Variants in TNKS observed in about 807,000 individuals in gnomAD.
TNKS encodes tankyrase.
A neutral mutation model predicts 135.8 loss-of-function variants in TNKS; 72 were observed. That is an observed-to-expected ratio of 0.53 (90% CI 0.44 to 0.64). The LOEUF (loss-of-function observed/expected upper bound fraction) is 0.64, where lower values mean the gene tolerates loss of function less well. Among genes scored for constraint, TNKS ranks in the 30% least tolerant of loss-of-function variants. TNKS has a pLI of 0.00. For synonymous variants in TNKS, 849 were observed against 649.3 expected, an observed-to-expected ratio of 1.31 and a Z score of -4.68; for missense variants, 1,769 against 1,674.0, an observed-to-expected ratio of 1.06 and a Z score of -0.99.
At position 9,776,701 on chromosome 8, in the gene TNKS, T is replaced by G; in HGVS notation, c.3949T>G (p.Ser1317Ala). 1.2e-6 allele frequency: 2 copies of G among 1,613,958 alleles called. No homozygotes were observed. The highest frequency in any genetic ancestry group is 1.7e-6 in the Non-Finnish European group (2 of 1,179,934). ...TYQIMKPEAP[S>A]QTATAAEQKT is the part of the protein sequence containing the mutation. ...CCAGATCATGAAGCCAGAAGCCCCTTCCCAGACCGCAACAGCCGCAGAGCA... is the reference window on the plus strand; with the variant it reads ...CCAGATCATGAAGCCAGAAGCCCCTGCCCAGACCGCAACAGCCGCAGAGCA... Residue 1317 changes from serine (S) to alanine (A), a missense_variant, in exon 27 of 27, where the codon TCC (serine) becomes GCC (alanine). Physicochemically the swap from Ser to Ala is moderately conservative, Grantham distance 99 (BLOSUM62 1). Transcript: ENST00000310430.
chr8:9,764,682 A>T (rs1382166910), intron 22 of TNKS, 34 bp from the exon 23 acceptor site: 1 of 1,518,160 alleles, frequency 6.6e-7, no homozygotes, highest in Non-Finnish European at 9.0e-7. Flanking sequence ...ACACACTGGG[A>T]TGTTTTTATA....
chr8:9,643,499 G>A (rs1478365599), intron 3 of TNKS, among the ~76,000 whole-genome samples: 1 of 151,930 alleles, frequency 6.6e-6, no homozygotes, highest in East Asian at 1.9e-4. Context: ...ACCTCTTAAA[G>A]GTCCCGCCTC....
At chr8:9,714,273 A>T (rs962954509) in intron 11 of TNKS, among the ~76,000 whole-genome samples, 44 of 151,868 alleles carry the variant, frequency 2.9e-4, no homozygotes, top group Non-Finnish European at 1.0e-4. Flanking sequence ...CCTTGGGCTA[A>T]ATTTCCCTGA....
intron 26 of TNKS, among the ~76,000 whole-genome samples, chr8:9,773,165 G>A (rs1357316792): frequency 6.6e-6 from 1 of 151,714 alleles, no homozygotes; most frequent in Non-Finnish European, 1.5e-5. Context: ...CTAGAAATTT[G>A]TATTGGAATA....
At position 9,697,543 on chromosome 8, in the gene TNKS, T is replaced by C. The variant is rs548409853; in HGVS notation, c.1108-7120T>C. On this transcript the variant is annotated intron_variant, in intron 5 of 26. Transcript: ENST00000310430. ...AATGGGAGAAAATACTCATAAACTATGCATCTGACAAAGGTCTAATATCCA... is the reference window on the plus strand; with the variant it reads ...AATGGGAGAAAATACTCATAAACTACGCATCTGACAAAGGTCTAATATCCA... Among the ~76,000 whole-genome samples the C allele has an allele frequency of 1.2e-4, 18 of 152,258 alleles. No individual in the cohort carries two copies. The South Asian group carries it at 3.5e-3, about 30-fold the overall frequency.
intron 3 of TNKS, among the ~76,000 whole-genome samples, chr8:9,678,964 T>A (rs1459411523): frequency 6.6e-6 from 1 of 152,174 alleles, no homozygotes; most frequent in Non-Finnish European, 1.5e-5. Context: ...TGGCTGTTCT[T>A]TTTATTTACT....
intron 12 of TNKS, among the ~76,000 whole-genome samples, chr8:9,722,240 G>C (rs1472391707): frequency 6.6e-6 from 1 of 152,056 alleles, no homozygotes; most frequent in Non-Finnish European, 1.5e-5. Context: ...GCCAAGTTGA[G>C]AATCACTGCT....
At chr8:9,562,161 C>A (rs1464199884) in intron 1 of TNKS, among the ~76,000 whole-genome samples, 1 of 151,892 alleles carries the variant, frequency 6.6e-6, no homozygotes, top group Admixed American at 6.6e-5. Flanking sequence ...TTCTACTGGG[C>A]ACACTTCAGT....
intron 11 of TNKS, among the ~76,000 whole-genome samples, chr8:9,712,795 T>A (rs1429108702): frequency 6.6e-6 from 1 of 151,700 alleles, no homozygotes; most frequent in East Asian, 1.9e-4. Flanking sequence ...GAGGCTGAGG[T>A]GGGAAAATCA....
chr8:9,767,820 G>A (rs780640440), intron 25 of TNKS, among the ~76,000 whole-genome samples: 2 of 152,080 alleles, frequency 1.3e-5, no homozygotes, highest in East Asian at 3.9e-4. Flanking sequence ...TTAGCCGGGC[G>A]TGGTGGCAGG....
At chr8:9,724,993 G>T (rs865825314) in intron 12 of TNKS, among the ~76,000 whole-genome samples, 3 of 152,154 alleles carry the variant, frequency 2.0e-5, no homozygotes, top group African/African-American at 7.2e-5. Flanking sequence ...TCTTTATTTT[G>T]TTGAAATGAA....
intron 3 of TNKS, among the ~76,000 whole-genome samples, chr8:9,617,990 T>C (rs1488527548): frequency 8.0e-6 from 1 of 124,390 alleles, no homozygotes; most frequent in Non-Finnish European, 1.7e-5. Flanking sequence ...TTTGGTTTTT[T>C]TTTTTTTTTT....
chr8:9,761,141 C>G (rs932956484), intron 20 of TNKS, among the ~76,000 whole-genome samples: 1 of 152,178 alleles, frequency 6.6e-6, no homozygotes, highest in African/African-American at 2.4e-5. Flanking sequence ...TTTCTACTCC[C>G]TGCTGGATAC....
intron 3 of TNKS, among the ~76,000 whole-genome samples, chr8:9,673,197 A>C (rs1038031273): frequency 6.6e-6 from 1 of 152,108 alleles, no homozygotes; most frequent in Non-Finnish European, 1.5e-5. Flanking sequence ...CTTAGATGTT[A>C]CTCGTACTAA....
intron 3 of TNKS, among the ~76,000 whole-genome samples, chr8:9,672,787 A>C (rs1015104373): frequency 6.6e-5 from 10 of 151,554 alleles, no homozygotes; most frequent in African/African-American, 2.4e-4. Context: ...TGATGGCTTA[A>C]ATAATAGTGG....
At chr8:9,571,178 C>T (rs11984585) in intron 1 of TNKS, among the ~76,000 whole-genome samples, 37,563 of 151,964 alleles carry the variant, frequency 0.25, 4,836 homozygotes, top group East Asian at 0.38. Context: ...GGAAGCTACA[C>T]CAAAAACTAT....
intron 3 of TNKS, among the ~76,000 whole-genome samples, chr8:9,665,801 C>T (rs550429045): frequency 6.6e-6 from 1 of 152,090 alleles, no homozygotes; most frequent in Non-Finnish European, 1.5e-5. Context: ...TTGCATGCAC[C>T]TTTACAAGCC....
intron 17 of TNKS, among the ~76,000 whole-genome samples, chr8:9,740,260 A>G (rs1299362092): frequency 3.3e-5 from 5 of 152,080 alleles, no homozygotes; most frequent in African/African-American, 1.2e-4. Flanking sequence ...CATCCACTTA[A>G]TCCCTTCTTG....
intron 17 of TNKS, chr8:9,743,407 T>C (rs9644708): frequency 0.18 from 27,077 of 152,192 alleles, 3,146 homozygotes; most frequent in East Asian, 0.44. Context: ...TCTTCTGTTT[T>C]ATAACCCAGT....
Sources: gnomAD v4.1 joint callset for allele counts (sites outside exome capture counted in the v4.1 genomes callset) on GRCh38, gnomAD v4.1.1 for gene constraint, MANE v1.5 for transcripts, NCBI Gene and HGNC (gene_info 2026-07-23, HGNC 2026-07-21) for gene names.